The following CDCA4 variants were observed in gnomAD, a reference collection of about 807,000 sequenced individuals.
The protein encoded by CDCA4 is cell division cycle associated 4.
For missense variants in CDCA4, 294 were observed against 322.1 expected, an observed-to-expected ratio of 0.91 and a Z score of 0.67; for synonymous variants, 130 against 137.0, an observed-to-expected ratio of 0.95 and a Z score of 0.36.
chr14:105,015,364 A>G (rs982471660), intron 1 of CDCA4, among the ~76,000 whole-genome samples: 3 of 152,234 alleles, frequency 2.0e-5, no homozygotes, highest in African/African-American at 7.2e-5. Flanking sequence ...GCGAGGGAAT[A>G]TACCAACAAA....
intron 1 of CDCA4, among the ~76,000 whole-genome samples, chr14:105,016,092 G>C (rs924561995): frequency 3.9e-5 from 6 of 152,306 alleles, no homozygotes; most frequent in South Asian, 2.1e-4. Context: ...TGCCAATCAC[G>C]AGAGAGGAGG....
Position 105,011,448 on chromosome 14 carries a change from G to A in CDCA4, c.482C>T (p.Ser161Leu). The A allele has an allele frequency of 2.5e-6, 4 of 1,614,206 alleles. No homozygotes were observed. The highest frequency in any genetic ancestry group is 1.1e-5 in the South Asian group (1 of 91,084). ...CAGCGTTTCAAATATCTGATCAAGTGACTTGTGAAAGCTTCCTCTGTTTTC... is the reference window on the plus strand; with the variant it reads ...CAGCGTTTCAAATATCTGATCAAGTAACTTGTGAAAGCTTCCTCTGTTTTC... ...PRENRGSFHK[S>L]LDQIFETLET... is the part of the protein sequence containing the mutation. The change falls in exon 2 of 2, where the codon TCA becomes TTA. Residue 161 changes from serine to leucine, a missense_variant. Physicochemically the swap from Ser to Leu is moderately radical, Grantham distance 145 (BLOSUM62 -2). Coordinates refer to ENST00000336219, the MANE Select transcript of CDCA4 (RefSeq NM_017955.4).
intron 1 of CDCA4, among the ~76,000 whole-genome samples, chr14:105,017,175 G>A (rs1900672819): frequency 6.6e-6 from 1 of 152,030 alleles, no homozygotes; most frequent in African/African-American, 2.4e-5. Flanking sequence ...CTGGGGAGGT[G>A]GGGGGCGGTC....
rs778788310 is a variant in CDCA4 at position 105,011,822 on chromosome 14, C to T, written c.108G>A (p.Ser36=). 1.3e-5 allele frequency: 21 copies of T among 1,613,724 alleles called. No individual in the cohort carries two copies. Among genetic ancestry groups the T allele is most frequent in the Middle Eastern group, 1.6e-4 (1 of 6,084 alleles). The change falls in exon 2 of 2, where the codon TCG becomes TCA. Residue 36 remains serine (S), a synonymous_variant. Coordinates refer to ENST00000336219, the MANE Select transcript of CDCA4 (RefSeq NM_017955.4). ...ACTTCACCAGAGACATGTCCAGGAG[C>T]GACTGCCGCTGCAGGCTGTATGAGG... The part of the protein sequence containing the change: ...TVSSYSLQRQ[S]LLDMSLVKLQ...
intron 1 of CDCA4, among the ~76,000 whole-genome samples, chr14:105,016,577 T>G (rs1486118609): frequency 6.6e-6 from 1 of 152,254 alleles, no homozygotes; most frequent in Non-Finnish European, 1.5e-5. Context: ...GCCAAGTCTC[T>G]AAGCCCCACA....
intron 1 of CDCA4, among the ~76,000 whole-genome samples, chr14:105,014,172 T>C (rs3923887): frequency 0.79 from 119,708 of 151,950 alleles, 47,341 homozygotes; most frequent in Middle Eastern, 0.88. Context: ...AGGGAGATCT[T>C]GGGGGTGAGG....
intron 1 of CDCA4, among the ~76,000 whole-genome samples, chr14:105,020,483 C>T (rs1421194659): frequency 6.6e-6 from 1 of 152,236 alleles, no homozygotes; most frequent in Admixed American, 6.5e-5. Context: ...TTTCCCTAGT[C>T]CCACCTCGCA....
rs773225293 is a variant in CDCA4, at chr14:105,011,326, C to A, written c.604G>T (p.Ala202Ser). The A allele has an allele frequency of 3.7e-6, 6 of 1,614,174 alleles. No individual in the cohort carries two copies. The highest frequency in any genetic ancestry group is 5.1e-6 in the Non-Finnish European group (6 of 1,180,024). Reference sequence around the variant, plus strand: ...AGCCCTTCGCAGGGGCCCGGCCTGGCACCCCCCATCATGCCTGTCAGTACT... The same window carrying A: ...AGCCCTTCGCAGGGGCCCGGCCTGGAACCCCCCATCATGCCTGTCAGTACT... ...DTVLTGMMGGARPGPCEGLEG... is the reference protein window; with the variant it reads ...DTVLTGMMGGSRPGPCEGLEG... The change falls in exon 2 of 2, where the codon GCC (alanine) becomes TCC (serine). Residue 202 changes from alanine (A) to serine (S), a missense_variant. Coordinates refer to ENST00000336219, the MANE Select transcript of CDCA4 (RefSeq NM_017955.4).
chr14:105,011,040 G>T lies in CDCA4; in HGVS notation c.*164C>A. On this transcript the variant is annotated 3_prime_UTR_variant, in exon 2 of 2. Transcript: ENST00000336219. ...CCACAGGGGGGAGGTGAGTGGGACG[G>T]GCCTAGGGCTGCAGCCCCACTGGTA... The T allele has an allele frequency of 2.4e-6, 2 of 826,262 alleles. No individual in the cohort carries two copies. Among genetic ancestry groups the T allele is most frequent in the Non-Finnish European group, 1.8e-6 (1 of 544,118 alleles). 51.2% of individuals were successfully genotyped at this position (826,262 alleles called of 1,614,324 possible).
intron 1 of CDCA4, among the ~76,000 whole-genome samples, chr14:105,016,219 A>T (rs1356562278): frequency 6.6e-6 from 1 of 152,024 alleles, no homozygotes; most frequent in Non-Finnish European, 1.5e-5. Flanking sequence ...CCATAAAACG[A>T]ATTTTCTCCC....
rs1886219261 is a variant in CDCA4 at position 105,021,015 on chromosome 14, C to G, written c.-23G>C. 3 of 152,772 alleles carry G rather than the reference C, an allele frequency of 2.0e-5. No individual in the cohort carries two copies. In the Admixed American group the frequency reaches 2.0e-4, roughly 10 times the overall value. The allele number at this position is 152,772 out of a possible 1,614,324, so 9.5% of individuals were successfully genotyped here. On this transcript the variant is annotated 5_prime_UTR_variant, in exon 1 of 2. Coordinates refer to ENST00000336219, the MANE Select transcript of CDCA4 (RefSeq NM_017955.4). ...CCCGCTCACCTGACCCGCGAGGCCG[C>G]CCGCCGGGTCCTCTGCTCAGCCACC...
In CDCA4 at chr14:105,021,046, C is replaced by G. The variant is rs1449550261; in HGVS notation, c.-54G>C. On this transcript the variant is annotated 5_prime_UTR_variant, in exon 1 of 2. Transcript: ENST00000336219. ...GGGTCCTCTGCTCAGCCACCGCCAC[C>G]GCCGCTGCCGCCAGCTTCCCGCCGC... is the stretch of plus-strand genomic sequence containing the variant. The G allele has an allele frequency of 6.5e-6, 1 of 152,730 alleles. No individual in the cohort carries two copies. Among genetic ancestry groups the G allele is most frequent in the Non-Finnish European group, 1.5e-5 (1 of 68,140 alleles). The allele number at this position is 152,730 out of a possible 1,614,324, so 9.5% of individuals were successfully genotyped here. A position where few individuals can be genotyped will look rare whatever the true frequency, so the allele number is the denominator to read the frequency against.
intron 1 of CDCA4, among the ~76,000 whole-genome samples, chr14:105,016,524 G>A (rs1174677089): frequency 2.0e-5 from 3 of 152,170 alleles, no homozygotes; most frequent in Admixed American, 1.3e-4. Flanking sequence ...ACTTTCTCCC[G>A]CACTATTTCT....
chr14:105,011,266 A>C lies in CDCA4; in HGVS notation c.664T>G (p.Ser222Ala). Residue 222 changes from serine (S) to alanine (A), a missense_variant, in exon 2 of 2, where the codon TCC (serine) becomes GCC (alanine). Transcript: ENST00000336219. ...GLAPATPGPS[S>A]SCKSDLGELD... is the part of the protein sequence containing the mutation. The stretch of plus-strand genomic sequence containing the variant: ...TCGCCCAGGTCGGACTTGCAGCTGG[A>C]GCTAGGGCCTGGGGTGGCCGGAGCC... 2 of 1,613,642 alleles carry C rather than the reference A, an allele frequency of 1.2e-6. No individual in the cohort carries two copies. Among genetic ancestry groups the C allele is most frequent in the Non-Finnish European group, 1.7e-6 (2 of 1,179,904 alleles).
intron 1 of CDCA4, 114 bp from the exon 2 acceptor site, chr14:105,012,049 T>A (rs986368642): frequency 2.7e-5 from 33 of 1,237,498 alleles, no homozygotes; most frequent in Non-Finnish European, 3.6e-5. Flanking sequence ...ACTCCGTAAC[T>A]GGCAGGGACT....
At chr14:105,018,473 C>T (rs190692970) in intron 1 of CDCA4, among the ~76,000 whole-genome samples, 1 of 152,292 alleles carries the variant, frequency 6.6e-6, no homozygotes, top group East Asian at 1.9e-4. Context: ...TCACCCAGAA[C>T]ATGTGTTCAG....
At chr14:105,018,475 T>C (rs1886142121) in intron 1 of CDCA4, among the ~76,000 whole-genome samples, 2 of 152,140 alleles carry the variant, frequency 1.3e-5, no homozygotes, top group Non-Finnish European at 2.9e-5. Flanking sequence ...ACCCAGAACA[T>C]GTGTTCAGGA....
At chr14:105,018,757 G>A (rs34736195) in intron 1 of CDCA4, among the ~76,000 whole-genome samples, 35,658 of 147,334 alleles carry the variant, frequency 0.24, 6,381 homozygotes, top group African/African-American at 0.5. Flanking sequence ...TTTTTTTTAA[G>A]ACAGAGTCTC....
Position 105,010,461 on chromosome 14 carries a change from A to G in CDCA4, c.*743T>C, listed in dbSNP as rs1595451480. 6.6e-6 allele frequency: 1 copy of G among 152,260 alleles called. No individual in the cohort carries two copies. Among genetic ancestry groups the G allele is most frequent in the Non-Finnish European group, 1.5e-5 (1 of 68,052 alleles). The allele number at this position is 152,260 out of a possible 1,614,324, so 9.4% of individuals were successfully genotyped here. A position where few individuals can be genotyped will look rare whatever the true frequency, so the allele number is the denominator to read the frequency against. ...ATGACATTTACATATAAATAGACAT[A>G]AATAAAATCCTCCATAATTTACTCT... On this transcript the variant is annotated 3_prime_UTR_variant, in exon 2 of 2. Coordinates refer to ENST00000336219, the MANE Select transcript of CDCA4 (RefSeq NM_017955.4).
Sources: gnomAD v4.1 joint callset for allele counts (sites outside exome capture counted in the v4.1 genomes callset) on GRCh38, gnomAD v4.1.1 for gene constraint, MANE v1.5 for transcripts, NCBI Gene and HGNC (gene_info 2026-07-23, HGNC 2026-07-21) for gene names.